DAPP1: variants seen among roughly 807,000 people sequenced by gnomAD.
DAPP1 encodes the protein dual adaptor of phosphotyrosine and 3-phosphoinositides 1.
Under a neutral mutation model 41.5 loss-of-function variants are expected in DAPP1, and 20 were observed. The observed-to-expected ratio is 0.48, with a 90% CI of 0.34 to 0.70. The LOEUF is 0.70. Ranked by LOEUF, DAPP1 falls within the 30% of genes least tolerant of loss-of-function variation. The probability of loss-of-function intolerance (pLI) is 0.01; values close to 1 mark genes in which losing one functional copy is unlikely to be tolerated. For missense variants in DAPP1, 233 were observed against 333.4 expected (o/e 0.70, Z 2.35); for synonymous variants, 113 against 116.2 (o/e 0.97, Z 0.18).
intron 1 of DAPP1, among the ~76,000 whole-genome samples, chr4:99,833,864 C>T (rs895081129): frequency 1.3e-5 from 2 of 152,186 alleles, no homozygotes; most frequent in Non-Finnish European, 1.5e-5. Flanking sequence ...GCAATTAACG[C>T]ATACTAAGCA....
At chr4:99,827,549 AAAAACAAAAC>A (rs1052328723) in intron 1 of DAPP1, among the ~76,000 whole-genome samples, 3 of 124,104 alleles carry the variant, frequency 2.4e-5, no homozygotes, top group African/African-American at 7.6e-5. Context: ...AAAACAACAA[AAAAACAAAAC>A]AAAAAACACC....
At chr4:99,849,252 A>C (rs1723773819) in intron 3 of DAPP1, among the ~76,000 whole-genome samples, 1 of 152,210 alleles carries the variant, frequency 6.6e-6, no homozygotes, top group African/African-American at 2.4e-5. Flanking sequence ...GGTTCCTCCA[A>C]CAGAGATTTG....
chr4:99,836,311 G>A (rs924756617), intron 2 of DAPP1, among the ~76,000 whole-genome samples: 3 of 152,116 alleles, frequency 2.0e-5, no homozygotes, highest in African/African-American at 7.2e-5. Flanking sequence ...AGATCTTTCA[G>A]GTCCTCCCCA....
In DAPP1 at chr4:99,817,071, C is replaced by T. The variant is rs1022397048; in HGVS notation, c.101+57C>T. 83 of 1,296,888 alleles carry T rather than the reference C, an allele frequency of 6.4e-5. No homozygotes were observed. In the African/African-American group the frequency reaches 1.2e-3, roughly 18 times the overall value. The allele number at this position is 1,296,888 out of a possible 1,614,324, so 80.3% of individuals were successfully genotyped here. A position where few individuals can be genotyped will look rare whatever the true frequency, so the allele number is the denominator to read the frequency against. ...AGTGGGTGGACATTGACTCCGCACTCCCACCTGCATGCTTTGATTAATGAC... is the reference window on the plus strand; with the variant it reads ...AGTGGGTGGACATTGACTCCGCACTTCCACCTGCATGCTTTGATTAATGAC... On this transcript the variant is annotated intron_variant, in intron 1 of 8. Transcript: ENST00000512369.
Position 99,863,764 on chromosome 4 carries a change from A to G in DAPP1, c.601-6A>G. The stretch of plus-strand genomic sequence containing the variant: ...GGTGACATACGTTGCTTTTTATTTT[A>G]TTTAGTCACCAGAACCAATTCGGAT... On this transcript the variant is annotated splice_region_variant and splice_polypyrimidine_tract_variant and intron_variant, in intron 6 of 8. Transcript: ENST00000512369. 1 of 1,393,662 alleles carries G rather than the reference A, an allele frequency of 7.2e-7. No individual in the cohort carries two copies. Among genetic ancestry groups the G allele is most frequent in the East Asian group, 2.8e-5 (1 of 36,274 alleles). 86.3% of individuals were successfully genotyped at this position (1,393,662 alleles called of 1,614,324 possible). A position where few individuals can be genotyped will look rare whatever the true frequency, so the allele number is the denominator to read the frequency against.
rs1482465567 is a variant in DAPP1, at chr4:99,870,187, G to A, written c.*2002G>A. On this transcript the variant is annotated 3_prime_UTR_variant, in exon 9 of 9. Transcript: ENST00000512369. ...AATTTATTTTTAATATTTGTAACTT[G>A]AAAGAAATATACAACTGATTAATAT... 1 of 151,904 alleles carries A rather than the reference G, an allele frequency of 6.6e-6. No individual in the cohort carries two copies. The highest frequency in any genetic ancestry group is 2.4e-5 in the African/African-American group (1 of 41,362). 9.4% of individuals were successfully genotyped at this position (151,904 alleles called of 1,614,324 possible). A position where few individuals can be genotyped will look rare whatever the true frequency, so the allele number is the denominator to read the frequency against.
chr4:99,827,171 A>G (rs1292593163), intron 1 of DAPP1, among the ~76,000 whole-genome samples: 1 of 152,172 alleles, frequency 6.6e-6, no homozygotes, highest in Non-Finnish European at 1.5e-5. Context: ...TGTGTGGTCC[A>G]TGTTGGCTGC....
At chr4:99,840,903 A>T (rs78652243) in intron 3 of DAPP1, among the ~76,000 whole-genome samples, 5,561 of 152,306 alleles carry the variant, frequency 0.037, 154 homozygotes, top group Middle Eastern at 0.11. Context: ...GCTAGACTTA[A>T]CTATGGCTGG....
chr4:99,865,952 T>TA (rs1317141928), intron 7 of DAPP1, 82 bp from the exon 8 acceptor site: 37 of 62,616 alleles, frequency 5.9e-4, no homozygotes, highest in South Asian at 9.1e-4. Context: ...ATATTATATA[T>TA]TATATTATAT....
intron 1 of DAPP1, among the ~76,000 whole-genome samples, chr4:99,829,945 T>C (rs1723064993): frequency 6.6e-6 from 1 of 152,240 alleles, no homozygotes; most frequent in Non-Finnish European, 1.5e-5. Context: ...TAATTTGCGA[T>C]TTCTCATTTT....
At chr4:99,829,087 C>T (rs1723035984) in intron 1 of DAPP1, among the ~76,000 whole-genome samples, 1 of 152,018 alleles carries the variant, frequency 6.6e-6, no homozygotes, top group Admixed American at 6.6e-5. Context: ...ATCCATAATA[C>T]ATTGTTTAAT....
At chr4:99,828,291 T>C (rs1723009280) in intron 1 of DAPP1, among the ~76,000 whole-genome samples, 1 of 152,222 alleles carries the variant, frequency 6.6e-6, no homozygotes, top group Non-Finnish European at 1.5e-5. Context: ...ACATCAATAT[T>C]CATTCAAAAT....
At chr4:99,845,859 A>C (rs1723648919) in intron 3 of DAPP1, among the ~76,000 whole-genome samples, 1 of 152,244 alleles carries the variant, frequency 6.6e-6, no homozygotes, top group South Asian at 2.1e-4. Flanking sequence ...AGTATAACAA[A>C]GTAAAATAAA....
intron 3 of DAPP1, among the ~76,000 whole-genome samples, chr4:99,846,115 T>C (rs1723656035): frequency 6.6e-6 from 1 of 152,160 alleles, no homozygotes; most frequent in South Asian, 2.1e-4. Flanking sequence ...ATGAAGAAAC[T>C]GAGGCCTGGT....
At chr4:99,825,989 A>C (rs1368206604) in intron 1 of DAPP1, among the ~76,000 whole-genome samples, 1 of 152,198 alleles carries the variant, frequency 6.6e-6, no homozygotes, top group Non-Finnish European at 1.5e-5. Flanking sequence ...CCTTTCACAA[A>C]ATCAAAGTAT....
chr4:99,861,237 A>G (rs1046450770), intron 4 of DAPP1, among the ~76,000 whole-genome samples: 2 of 152,220 alleles, frequency 1.3e-5, no homozygotes, highest in African/African-American at 4.8e-5. Context: ...TTGACAGTAG[A>G]TGTGTGCGTG....
At chr4:99,821,473 G>C (rs1275575321) in intron 1 of DAPP1, among the ~76,000 whole-genome samples, 1 of 152,196 alleles carries the variant, frequency 6.6e-6, no homozygotes, top group Non-Finnish European at 1.5e-5. Context: ...AGTAATTATT[G>C]GATGCTTATC....
At chr4:99,851,350 G>A (rs1361488361) in intron 3 of DAPP1, among the ~76,000 whole-genome samples, 1 of 152,044 alleles carries the variant, frequency 6.6e-6, no homozygotes, top group Non-Finnish European at 1.5e-5. Flanking sequence ...ACAGAAAGAG[G>A]AAGGGCCAGA....
chr4:99,868,146 G>A lies in DAPP1; in HGVS notation c.804G>A (p.Gly268=), dbSNP rs1464272850. 1.9e-6 allele frequency: 3 copies of A among 1,613,854 alleles called. No homozygotes were observed. In the East Asian group the frequency reaches 6.7e-5, roughly 36 times the overall value. The part of the protein sequence containing the change: ...LSQIRKQLNQ[G]EGTIRSRSFI... ...AAATAAGAAAACAGCTCAACCAAGG[G>A]GAAGGCACGATCCGATCTCGGTCGT... Residue 268 remains glycine (G), a synonymous_variant, in exon 9 of 9, where the codon GGG becomes GGA. Transcript: ENST00000512369.
Sources: gnomAD v4.1 joint callset for allele counts (sites outside exome capture counted in the v4.1 genomes callset) on GRCh38, gnomAD v4.1.1 for gene constraint, MANE v1.5 for transcripts, NCBI Gene and HGNC (gene_info 2026-07-23, HGNC 2026-07-21) for gene names.